ALG6: variants seen among roughly 807,000 people sequenced by gnomAD.
The protein encoded by ALG6 is dolichyl pyrophosphate Man9GlcNAc2 alpha-1,3-glucosyltransferase.
A neutral mutation model predicts 66.6 loss-of-function variants in ALG6; 46 were observed. That is an observed-to-expected ratio of 0.69 (90% CI 0.55 to 0.88). ALG6 has a LOEUF of 0.88. Among genes scored for constraint, ALG6 ranks in the 40% least tolerant of loss-of-function variants. ALG6 has a pLI of 0.00. For synonymous variants in ALG6, 185 were observed against 203.7 expected (o/e 0.91, Z 0.78); for missense variants, 505 against 586.8 (o/e 0.86, Z 1.44).
chr1:63,434,676 ATTC>A (rs1557599294), intron 14 of ALG6, among the ~76,000 whole-genome samples: 1 of 152,206 alleles, frequency 6.6e-6, no homozygotes, highest in African/African-American at 2.4e-5. Flanking sequence ...GCCCAAGATA[ATTC>A]TTCTTTTTCC....
Position 63,400,325 on chromosome 1 carries a change from A to ATATG in ALG6, c.168-1926_168-1925insGTAT, listed in dbSNP as rs1644455694. Among the ~76,000 whole-genome samples, 11 of 25,680 alleles carry ATATG rather than the reference A, an allele frequency of 4.3e-4. 3 individuals carry two copies. The highest frequency in any genetic ancestry group is 3.9e-3 in the African/African-American group (11 of 2,842). 16.8% of individuals were successfully genotyped at this position (25,680 alleles called of 152,430 possible). ...TATATATGTATATATATATACGTAT[A>ATATG]TATATATATACGTATATATATATGT... On this transcript the variant is annotated intron_variant, in intron 3 of 14. Transcript: ENST00000263440.
At chr1:63,406,118 G>C (rs936085230) in intron 5 of ALG6, among the ~76,000 whole-genome samples, 199 bp from the exon 6 acceptor site, 2 of 152,022 alleles carry the variant, frequency 1.3e-5, no homozygotes, top group African/African-American at 4.8e-5. Flanking sequence ...AGAAAATTAA[G>C]AGACTCCTTT....
intron 12 of ALG6, among the ~76,000 whole-genome samples, chr1:63,420,046 C>T (rs1644565608): frequency 6.6e-6 from 1 of 152,152 alleles, no homozygotes; most frequent in Admixed American, 6.5e-5. Flanking sequence ...AATCCCAACC[C>T]ACTACTGCTC....
chr1:63,435,139 G>A (rs1377573128), intron 14 of ALG6, among the ~76,000 whole-genome samples: 1 of 152,210 alleles, frequency 6.6e-6, no homozygotes, highest in Non-Finnish European at 1.5e-5. Context: ...TGAATGGGAT[G>A]AAGACTGGAC....
chr1:63,381,107 C>T (rs960647123), intron 2 of ALG6, among the ~76,000 whole-genome samples: 2 of 152,064 alleles, frequency 1.3e-5, no homozygotes, highest in African/African-American at 2.4e-5. Flanking sequence ...ATTGCTTGAG[C>T]CCAAAAGTTT....
chr1:63,406,275 C>A, intron 5 of ALG6, 42 bp from the exon 6 acceptor site: 1 of 1,553,940 alleles, frequency 6.4e-7, no homozygotes, highest in South Asian at 1.1e-5. Flanking sequence ...AGCTGTAAAT[C>A]CTGATGGACT....
chr1:63,421,688 C>T (rs939026175), intron 12 of ALG6, among the ~76,000 whole-genome samples: 8 of 152,132 alleles, frequency 5.3e-5, no homozygotes, highest in Middle Eastern at 3.4e-3. Flanking sequence ...GAATATTATG[C>T]GGCCAAAAAG....
chr1:63,385,811 C>A (rs1011434676), intron 2 of ALG6, among the ~76,000 whole-genome samples: 2 of 152,064 alleles, frequency 1.3e-5, no homozygotes, highest in Non-Finnish European at 2.9e-5. Context: ...ACCTTTATTT[C>A]TTTCTCTTGT....
At chr1:63,397,928 C>T (rs79536685) in intron 3 of ALG6, among the ~76,000 whole-genome samples, 6,086 of 152,214 alleles carry the variant, frequency 0.04, 395 homozygotes, top group African/African-American at 0.14. Flanking sequence ...AGCACTTAGG[C>T]CAGTCCCTAG....
intron 12 of ALG6, among the ~76,000 whole-genome samples, chr1:63,424,667 A>G (rs1644605577): frequency 6.6e-6 from 1 of 152,056 alleles, no homozygotes. Flanking sequence ...ATATATATCT[A>G]AGAAACCAGT....
chr1:63,393,956 G>A (rs913188983), intron 2 of ALG6, among the ~76,000 whole-genome samples: 1 of 152,220 alleles, frequency 6.6e-6, no homozygotes, highest in Non-Finnish European at 1.5e-5. Flanking sequence ...ACACATGCGT[G>A]TATACTATGG....
chr1:63,385,019 A>T (rs1318870702), intron 2 of ALG6, among the ~76,000 whole-genome samples: 1 of 151,990 alleles, frequency 6.6e-6, no homozygotes, highest in Non-Finnish European at 1.5e-5. Flanking sequence ...GAGGAATATC[A>T]TTGGTAGTTT....
rs1382330745 is a variant in ALG6 at position 63,429,146 on chromosome 1, A to G, written c.1326+20A>G. 2.6e-6 allele frequency: 4 copies of G among 1,536,954 alleles called. No homozygotes were observed. In the Admixed American group the frequency reaches 5.3e-5, roughly 20 times the overall value. On this transcript the variant is annotated intron_variant, in intron 14 of 14. Transcript: ENST00000263440. ...TATTTGGTAAGTTCAATTTTTAAGA[A>G]ATGACACATTTTTCAGCATGTCACT...
chr1:63,417,645 G>T (rs1644551776), intron 11 of ALG6, among the ~76,000 whole-genome samples: 1 of 152,086 alleles, frequency 6.6e-6, no homozygotes, highest in African/African-American at 2.4e-5. Flanking sequence ...AGCAGCAAAA[G>T]GATTTATATT....
chr1:63,398,598 G>A (rs897667808), intron 3 of ALG6, among the ~76,000 whole-genome samples: 7 of 151,858 alleles, frequency 4.6e-5, no homozygotes, highest in East Asian at 1.9e-4. Context: ...TTAGCTTCCC[G>A]AGTAGCTGGG....
At chr1:63,369,263 G>A (rs1647829432) in intron 1 of ALG6, among the ~76,000 whole-genome samples, 1 of 152,188 alleles carries the variant, frequency 6.6e-6, no homozygotes, top group Admixed American at 6.5e-5. Context: ...TTTGAGATTT[G>A]GCATCAATGA....
rs756308999 is a variant in ALG6 at position 63,432,772 on chromosome 1, AGTT to A, written c.1326+3657_1326+3659del. 1.6e-4 allele frequency among the ~76,000 whole-genome samples: 25 copies of A among 152,156 alleles called. No individual in the cohort carries two copies. The East Asian group carries it at 1.7e-3, about 11-fold the overall frequency. On this transcript the variant is annotated intron_variant, in intron 14 of 14. Coordinates refer to ENST00000263440, the MANE Select transcript of ALG6 (RefSeq NM_013339.4). ...TTGACAACTACTACAAATGTTATGAAGTTGTTGTTGTTGAGACAGGATCTCACT... is the reference window on the plus strand; with the variant it reads ...TTGACAACTACTACAAATGTTATGAAGTTGTTGTTGAGACAGGATCTCACT...
At chr1:63,380,286 T>C (rs1312888540) in intron 2 of ALG6, among the ~76,000 whole-genome samples, 1 of 152,186 alleles carries the variant, frequency 6.6e-6, no homozygotes, top group Non-Finnish European at 1.5e-5. Flanking sequence ...CAGACTGTAA[T>C]GAACTGAGGA....
At chr1:63,392,383 C>T (rs1219935035) in intron 2 of ALG6, among the ~76,000 whole-genome samples, 1 of 151,990 alleles carries the variant, frequency 6.6e-6, no homozygotes, top group African/African-American at 2.4e-5. Context: ...GTTGGTCAGG[C>T]TGGTCTTGAA....
Sources: gnomAD v4.1 joint callset for allele counts (sites outside exome capture counted in the v4.1 genomes callset) on GRCh38, gnomAD v4.1.1 for gene constraint, MANE v1.5 for transcripts, NCBI Gene and HGNC (gene_info 2026-07-23, HGNC 2026-07-21) for gene names.